Variants in EFTUD2 observed in about 807,000 individuals in gnomAD.
EFTUD2 encodes elongation factor Tu GTP binding domain containing 2, also known as 116 kDa U5 small nuclear ribonucleoprotein component.
EFTUD2 carries 9 observed loss-of-function variants against 114.3 expected under a neutral mutation model. The observed-to-expected ratio is 0.08, with a 90% CI of 0.05 to 0.14. EFTUD2 has a LOEUF of 0.14. EFTUD2 is among the 10% of genes least tolerant of loss of function. The pLI is 1.00. For synonymous variants in EFTUD2, 449 were observed against 462.3 expected (o/e 0.97, Z 0.37); for missense variants, 765 against 1,241.2 (o/e 0.62, Z 5.76).
At chr17:44,883,521 T>C (rs2051110767) in intron 5 of EFTUD2, 128 bp downstream of exon 5, 3 of 885,014 alleles carry the variant, frequency 3.4e-6, no homozygotes, top group Non-Finnish European at 5.6e-6. Context: ...GTAACAGGCA[T>C]GCAGCACCCC....
intron 16 of EFTUD2, 141 bp from the exon 17 acceptor site, chr17:44,860,684 G>A (rs890151461): frequency 3.3e-6 from 2 of 600,328 alleles, no homozygotes; most frequent in East Asian, 2.8e-5. Flanking sequence ...CTGCAGCCTC[G>A]AACTTCCAAG....
chr17:44,879,377 C>G, intron 9 of EFTUD2, 179 bp downstream of exon 9: 1 of 610,090 alleles, frequency 1.6e-6, no homozygotes, highest in East Asian at 3.2e-5. Flanking sequence ...TGAGCAACCA[C>G]ACCCGGTAAG....
Position 44,852,524 on chromosome 17 carries a change from G to A in EFTUD2, c.2600C>T (p.Pro867Leu), listed in dbSNP as rs759253409. The change falls in exon 26 of 28, where the codon CCT (proline) becomes CTT (leucine). Residue 867 changes from proline (P) to leucine (L), a missense_variant. Pro to Leu is a moderately conservative substitution (Grantham distance 98). Transcript: ENST00000426333. Reference sequence around the variant, plus strand: ...GATAAAAGCTTTGATGGTGTACAGAGGGGAGCCTGGGATGGGTGCATCCTG... The same window carrying A: ...GATAAAAGCTTTGATGGTGTACAGAAGGGAGCCTGGGATGGGTGCATCCTG... ...VTQDAPIPGS[P>L]LYTIKAFIPA... is the part of the protein sequence containing the mutation. 1 of 1,614,158 alleles carries A rather than the reference G, an allele frequency of 6.2e-7. No individual in the cohort carries two copies. Among genetic ancestry groups the A allele is most frequent in the Non-Finnish European group, 8.5e-7 (1 of 1,180,034 alleles).
At chr17:44,880,299 T>A (rs2051049996) in intron 8 of EFTUD2, among the ~76,000 whole-genome samples, 1 of 152,126 alleles carries the variant, frequency 6.6e-6, no homozygotes, top group South Asian at 2.1e-4. Context: ...CAGGCTGAAA[T>A]GAATAAATGA....
chr17:44,894,596 T>A (rs1481633897), intron 1 of EFTUD2, 71 bp from the exon 2 acceptor site: 1 of 1,165,610 alleles, frequency 8.6e-7, no homozygotes, highest in Non-Finnish European at 1.3e-6. Flanking sequence ...GCTCCACCTG[T>A]CTAGTCTTAG....
intron 3 of EFTUD2, among the ~76,000 whole-genome samples, chr17:44,886,222 A>T (rs1314261188): frequency 6.6e-6 from 1 of 152,178 alleles, no homozygotes; most frequent in Non-Finnish European, 1.5e-5. Flanking sequence ...CGACAGAGCA[A>T]GACTTCGTCT....
rs764682372 is a variant in EFTUD2 at position 44,853,313 on chromosome 17, G to T, written c.2544C>A (p.Thr848=). 1.2e-6 allele frequency: 2 copies of T among 1,613,968 alleles called. No individual in the cohort carries two copies. Among genetic ancestry groups the T allele is most frequent in the East Asian group, 2.2e-5 (1 of 44,856 alleles). ...APADCVSAVY[T]VLARRRGHVT... The stretch of plus-strand genomic sequence containing the variant: ...CCGCTCACCTGCGCCTGGCCAGGAC[G>T]GTATAAACTGCAGAGACGCAATCTG... Residue 848 remains threonine (T), a synonymous_variant, in exon 25 of 28, where the codon ACC becomes ACA. Transcript: ENST00000426333.
intron 8 of EFTUD2, 78 bp from the exon 9 acceptor site, chr17:44,879,716 C>G (rs2051035070): frequency 2.8e-6 from 4 of 1,418,288 alleles, no homozygotes; most frequent in Non-Finnish European, 3.9e-6. Context: ...ACTGAGGGGG[C>G]ACTTCAAAGC....
intron 19 of EFTUD2, among the ~76,000 whole-genome samples, chr17:44,858,202 G>A (rs1049821396): frequency 2.6e-5 from 4 of 151,996 alleles, no homozygotes; most frequent in African/African-American, 7.2e-5. Context: ...GGTTACAGGC[G>A]TGAGCCACCG....
chr17:44,862,122 T>C lies in EFTUD2; in HGVS notation c.1607+591A>G, dbSNP rs534708228. 4.6e-5 allele frequency among the ~76,000 whole-genome samples: 7 copies of C among 152,268 alleles called. No homozygotes were observed. The South Asian group carries it at 8.3e-4, about 18-fold the overall frequency. On this transcript the variant is annotated intron_variant, in intron 16 of 27. Transcript: ENST00000426333. ...ATGGAAATCCTCCTACAAAAGTTCA[T>C]ACAAGCTTCATGCTTTCAAAAGGGC...
At chr17:44,851,496 G>T in intron 27 of EFTUD2, 127 bp from the exon 28 acceptor site, 1 of 911,278 alleles carries the variant, frequency 1.1e-6, no homozygotes, top group Non-Finnish European at 1.7e-6. Flanking sequence ...TGTTTCAGGA[G>T]CCCTGCCTTT....
intron 17 of EFTUD2, 168 bp from the exon 18 acceptor site, chr17:44,860,213 T>C: frequency 1.1e-6 from 1 of 942,196 alleles, no homozygotes; most frequent in Non-Finnish European, 1.6e-6. Flanking sequence ...TCCCAGGTAT[T>C]CTGGCAGAAC....
Position 44,864,842 on chromosome 17 carries a change from C to A in EFTUD2, c.1285+88G>T, listed in dbSNP as rs115679112. ...TTGAAAAGATCCTCAGATTTCTGACCTCCATCGCTGGGTGAGAAAAAATTG... is the reference window on the plus strand; with the variant it reads ...TTGAAAAGATCCTCAGATTTCTGACATCCATCGCTGGGTGAGAAAAAATTG... On this transcript the variant is annotated intron_variant, in intron 14 of 27. Coordinates refer to ENST00000426333, the MANE Select transcript of EFTUD2 (RefSeq NM_004247.4). 1,535 of 1,544,048 alleles carry A rather than the reference C, an allele frequency of 9.9e-4. 11 individuals are homozygous for A. The African/African-American group carries it at 0.019, about 19-fold the overall frequency.
chr17:44,876,677 C>G (rs1597811674), intron 9 of EFTUD2, among the ~76,000 whole-genome samples: 1 of 151,788 alleles, frequency 6.6e-6, no homozygotes, highest in African/African-American at 2.4e-5. Flanking sequence ...ACGGTGAAAC[C>G]CTGTCTCGAC....
Position 44,854,391 on chromosome 17 carries a change from C to A in EFTUD2, c.2260-35G>T. On this transcript the variant is annotated intron_variant, in intron 22 of 27. Transcript: ENST00000426333. This position sits in a 1 kb window ranked among gnomAD's most constrained non-coding sequence, Gnocchi z 4.3. ...AACATGAGGCCTCCTTAGCAGTCGC[C>A]CTGGCAACGGCTGAAGCATTTAGAG... 1.9e-6 allele frequency: 3 copies of A among 1,605,242 alleles called. No individual in the cohort carries two copies. The South Asian group carries it at 3.3e-5, about 18-fold the overall frequency.
chr17:44,853,898 A>T (rs1294959572), intron 23 of EFTUD2: 1 of 1,374,136 alleles, frequency 7.3e-7, no homozygotes, highest in South Asian at 1.8e-5. Context: ...TCTTCTGCAC[A>T]TATTTACATT....
chr17:44,881,619 A>G, intron 7 of EFTUD2, 68 bp downstream of exon 7: 1 of 1,553,640 alleles, frequency 6.4e-7, no homozygotes, highest in South Asian at 1.1e-5. Context: ...GCTCCTCTAC[A>G]TTCCCTACAA....
At chr17:44,875,415 G>C (rs185236625) in intron 10 of EFTUD2, among the ~76,000 whole-genome samples, 1 of 151,882 alleles carries the variant, frequency 6.6e-6, no homozygotes, top group African/African-American at 2.4e-5. Flanking sequence ...CTGTAGTCCC[G>C]GCTACTTGAG....
At position 44,868,345 on chromosome 17, in the gene EFTUD2, T is replaced by C; in HGVS notation, c.1000A>G (p.Ile334Val). 1 of 1,614,052 alleles carries C rather than the reference T, an allele frequency of 6.2e-7. No individual in the cohort carries two copies. The highest frequency in any genetic ancestry group is 8.5e-7 in the Non-Finnish European group (1 of 1,179,966). The change falls in exon 12 of 28, where the codon ATT becomes GTT. Residue 334 changes from isoleucine to valine, a missense_variant. Coordinates refer to ENST00000426333, the MANE Select transcript of EFTUD2 (RefSeq NM_004247.4). ...CTTTTAGCAAATTCTTGGTAATTAA[T>C]GTCACCTATGGGAGAAGCCACACAA... ...AKIYADTFGD[I>V]NYQEFAKRLW...
Sources: gnomAD v4.1 joint callset for allele counts (sites outside exome capture counted in the v4.1 genomes callset) on GRCh38, gnomAD v4.1.1 for gene constraint, Gnocchi (gnomAD v3.1) non-coding constraint, MANE v1.5 for transcripts, NCBI Gene and HGNC (gene_info 2026-07-23, HGNC 2026-07-21) for gene names.